SHISAL1: variants seen among roughly 807,000 people sequenced by gnomAD.
SHISAL1 encodes shisa like 1, also known as protein shisa-like-1.
A neutral mutation model predicts 22.6 loss-of-function variants in SHISAL1; 9 were observed. The observed-to-expected ratio is 0.40, with a 90% CI of 0.24 to 0.70. SHISAL1 has a LOEUF of 0.70. Ranked by LOEUF, SHISAL1 falls within the 30% of genes least tolerant of loss-of-function variation. The probability of loss-of-function intolerance (pLI) is 0.39; values close to 1 mark genes in which losing one functional copy is unlikely to be tolerated. For synonymous variants in SHISAL1, 119 were observed against 115.4 expected (o/e 1.03, Z -0.20); for missense variants, 246 against 270.6 (o/e 0.91, Z 0.64).
chr22:44,303,033 G>C (rs1330583853), intron 1 of SHISAL1, among the ~76,000 whole-genome samples: 1 of 152,072 alleles, frequency 6.6e-6, no homozygotes. Flanking sequence ...TGATCAACCT[G>C]TCTCCCATAG....
In SHISAL1 at chr22:44,310,585, A is replaced by G. The variant is rs2055511433; in HGVS notation, c.-33+2166T>C. 6.6e-6 allele frequency among the ~76,000 whole-genome samples: 1 copy of G among 152,216 alleles called. No individual in the cohort carries two copies. The highest frequency in any genetic ancestry group is 1.9e-4 in the East Asian group (1 of 5,192). On this transcript the variant is annotated intron_variant, in intron 1 of 4. Coordinates refer to ENST00000381176, the MANE Select transcript of SHISAL1 (RefSeq NM_001099294.2). The surrounding 1 kb of genome is among the most constrained non-coding windows in gnomAD (Gnocchi z 4.0). ...AGGTATACCAAACATAGAAAGGACC[A>G]GAAGCTAGCAGGGCACCCAGAACAT...
intron 4 of SHISAL1, among the ~76,000 whole-genome samples, chr22:44,263,503 C>G (rs2055140761): frequency 6.6e-6 from 1 of 152,196 alleles, no homozygotes; most frequent in African/African-American, 2.4e-5. Flanking sequence ...AGATGGCCAT[C>G]CCAAGGAACA....
At chr22:44,301,804 A>G (rs1337947708) in intron 1 of SHISAL1, among the ~76,000 whole-genome samples, 1 of 152,214 alleles carries the variant, frequency 6.6e-6, no homozygotes, top group Non-Finnish European at 1.5e-5. Context: ...AAGGCACAAA[A>G]GAACACAGAC....
Position 44,248,861 on chromosome 22 carries a change from C to T in SHISAL1, c.*824G>A, listed in dbSNP as rs927437973. The stretch of plus-strand genomic sequence containing the variant: ...ACTTTGGGTTCCGGCACCGCTTCCC[C>T]ACTGTGAGTTTTTCTGCAGGGGGTT... On this transcript the variant is annotated 3_prime_UTR_variant, in exon 5 of 5. Coordinates refer to ENST00000381176, the MANE Select transcript of SHISAL1 (RefSeq NM_001099294.2). 3 of 152,194 alleles carry T rather than the reference C, an allele frequency of 2.0e-5. No individual in the cohort carries two copies. The highest frequency in any genetic ancestry group is 4.4e-5 in the Non-Finnish European group (3 of 68,058). 9.4% of individuals were successfully genotyped at this position (152,194 alleles called of 1,614,324 possible).
intron 3 of SHISAL1, among the ~76,000 whole-genome samples, chr22:44,287,027 G>A (rs961343877): frequency 2.0e-5 from 3 of 152,228 alleles, no homozygotes; most frequent in Admixed American, 6.5e-5. Context: ...TCGCCCAGAC[G>A]GAGGTCTCGC....
In SHISAL1 at chr22:44,287,273, G is replaced by C. The variant is rs1031391104; in HGVS notation, c.282-1528C>G. Among the ~76,000 whole-genome samples, 6 of 152,216 alleles carry C rather than the reference G, an allele frequency of 3.9e-5. 1 individual carries two copies. In the South Asian group the frequency reaches 1.2e-3, roughly 31 times the overall value. On this transcript the variant is annotated intron_variant, in intron 3 of 4. Coordinates refer to ENST00000381176, the MANE Select transcript of SHISAL1 (RefSeq NM_001099294.2). ...GCGCCAGCAGTGGCCTCTGTAGGAA[G>C]ATGGGGGCTGCTTCCCTTGGGCTCC... is the stretch of plus-strand genomic sequence containing the variant.
At chr22:44,317,518 C>T (rs142447770), upstream of SHISAL1, among the ~76,000 whole-genome samples, 71 of 152,350 alleles carry the variant, frequency 4.7e-4, no homozygotes, top group East Asian at 0.013. Flanking sequence ...CTCCTCCCAC[C>T]TCATCTGCCT....
the SHISAL1 span, among the ~76,000 whole-genome samples, chr22:44,323,831 T>C: frequency 6.6e-6 from 1 of 152,240 alleles, no homozygotes; most frequent in East Asian, 1.9e-4. Flanking sequence ...CTTCTGTGCC[T>C]CCTTGGTGTT....
At chr22:44,250,519 C>A (rs1409103750) in intron 4 of SHISAL1, among the ~76,000 whole-genome samples, 1 of 152,156 alleles carries the variant, frequency 6.6e-6, no homozygotes, top group East Asian at 1.9e-4. Context: ...TGGAAAGCAG[C>A]ATGAACCCCA....
At chr22:44,318,570 C>T in the SHISAL1 span, among the ~76,000 whole-genome samples, 2 of 152,198 alleles carry the variant, frequency 1.3e-5, no homozygotes, top group Admixed American at 1.3e-4. Context: ...CTTAGCCTCT[C>T]TGGACCCTTA....
intron 4 of SHISAL1, among the ~76,000 whole-genome samples, chr22:44,251,702 A>ATCAGAT (rs963056795): frequency 6.6e-6 from 1 of 152,216 alleles, no homozygotes; most frequent in African/African-American, 2.4e-5. Context: ...TTGTAAAGCC[A>ATCAGAT]TCAGATTCGG....
At chr22:44,282,600 A>T (rs1210326055) in intron 4 of SHISAL1, among the ~76,000 whole-genome samples, 1 of 152,162 alleles carries the variant, frequency 6.6e-6, no homozygotes, top group Non-Finnish European at 1.5e-5. Flanking sequence ...TTCGCAGGAG[A>T]AAGAGCTGGG....
intron 4 of SHISAL1, among the ~76,000 whole-genome samples, chr22:44,253,889 T>C (rs903397858): frequency 1.3e-5 from 2 of 151,852 alleles, no homozygotes; most frequent in African/African-American, 4.8e-5. Flanking sequence ...ATTCAAATGC[T>C]CTTGAAAGTG....
At chr22:44,324,401 C>A in the SHISAL1 span, among the ~76,000 whole-genome samples, 1 of 152,174 alleles carries the variant, frequency 6.6e-6, no homozygotes, top group African/African-American at 2.4e-5. Context: ...CAACCACAGG[C>A]TTGGTGGTCC....
chr22:44,266,528 A>ATGTGTGTATGTGTGTG (rs1555926299), intron 4 of SHISAL1, among the ~76,000 whole-genome samples: 17 of 108,416 alleles, frequency 1.6e-4, no homozygotes, highest in African/African-American at 6.1e-4. Flanking sequence ...GCTTTGGGGT[A>ATGTGTGTATGTGTGTG]TGTGTGTGTG....
At chr22:44,279,568 G>A (rs2055262370) in intron 4 of SHISAL1, among the ~76,000 whole-genome samples, 1 of 152,230 alleles carries the variant, frequency 6.6e-6, no homozygotes, top group African/African-American at 2.4e-5. Context: ...GACCTCACAG[G>A]GGAGGACGAA....
At chr22:44,296,570 T>A (rs1450908090) in intron 3 of SHISAL1, 102 bp downstream of exon 3, 3 of 969,122 alleles carry the variant, frequency 3.1e-6, no homozygotes, top group Non-Finnish European at 4.8e-6. Flanking sequence ...CCCAACCTTA[T>A]AGCGGTTACC....
At chr22:44,278,967 T>C (rs1440130278) in intron 4 of SHISAL1, among the ~76,000 whole-genome samples, 3 of 152,010 alleles carry the variant, frequency 2.0e-5, no homozygotes, top group Non-Finnish European at 4.4e-5. Context: ...ACCATCATTG[T>C]CCAGGGCAGG....
chr22:44,274,049 G>GCC lies in SHISAL1; in HGVS notation c.599+11377_599+11378dup, dbSNP rs368725664. Among the ~76,000 whole-genome samples, 50 of 137,312 alleles carry GCC rather than the reference G, an allele frequency of 3.6e-4. 1 individual carries two copies. Among genetic ancestry groups the GCC allele is most frequent in the African/African-American group, 6.9e-4 (25 of 36,294 alleles). The allele number at this position is 137,312 out of a possible 152,430, so 90.1% of individuals were successfully genotyped here. ...CCTGGCTGACATAGTGAACCTCCCG[G>GCC]CCCCCCCCTCCCCCCCACCCACCCT... On this transcript the variant is annotated intron_variant, in intron 4 of 4. Transcript: ENST00000381176.
Sources: gnomAD v4.1 joint callset for allele counts (sites outside exome capture counted in the v4.1 genomes callset) on GRCh38, gnomAD v4.1.1 for gene constraint, Gnocchi (gnomAD v3.1) non-coding constraint, MANE v1.5 for transcripts, NCBI Gene and HGNC (gene_info 2026-07-23, HGNC 2026-07-21) for gene names.